RERE: variants seen among roughly 807,000 people sequenced by gnomAD.
RERE encodes arginine-glutamic acid dipeptide repeats, also known as arginine-glutamic acid dipeptide repeats protein.
Under a neutral mutation model 146.1 loss-of-function variants are expected in RERE, and 40 were observed. The ratio of observed to expected loss-of-function variants is 0.27; its 90% confidence interval spans 0.21 to 0.36. The LOEUF (loss-of-function observed/expected upper bound fraction) is 0.36. Among genes scored for constraint, RERE ranks in the 10% least tolerant of loss-of-function variants. RERE has a pLI of 1.00. For missense variants in RERE, 1,933 were observed against 2,138.7 expected (o/e 0.90, Z 1.90); for synonymous variants, 1,003 against 866.0 (o/e 1.16, Z -2.78).
chr1:8,529,965 C>T (rs1013508484), intron 7 of RERE, among the ~76,000 whole-genome samples: 5 of 152,172 alleles, frequency 3.3e-5, no homozygotes, highest in African/African-American at 1.2e-4. Flanking sequence ...CTTGTTTTCT[C>T]TCCTAGTTCT....
In RERE at chr1:8,632,311, G is replaced by A. The variant is rs888672039; in HGVS notation, c.326-7931C>T. Among the ~76,000 whole-genome samples, 13 of 152,168 alleles carry A rather than the reference G, an allele frequency of 8.5e-5. No individual in the cohort carries two copies. In the East Asian group the frequency reaches 1.5e-3, roughly 18 times the overall value. ...ATCTTCTGGTGTCACATCCTGCAGCGCAGATTTCAAGCAACACTGCTTGCT... is the reference window on the plus strand; with the variant it reads ...ATCTTCTGGTGTCACATCCTGCAGCACAGATTTCAAGCAACACTGCTTGCT... On this transcript the variant is annotated intron_variant, in intron 2 of 22. Coordinates refer to ENST00000400908, the MANE Select transcript of RERE (RefSeq NM_001042681.2).
In RERE at chr1:8,423,704, G is replaced by A; in HGVS notation, c.1204-897C>T. 1.0e-6 allele frequency: 1 copy of A among 981,502 alleles called. No homozygotes were observed. Among genetic ancestry groups the A allele is most frequent in the Non-Finnish European group, 1.2e-6 (1 of 828,614 alleles). The allele number at this position is 981,502 out of a possible 1,614,324, so 60.8% of individuals were successfully genotyped here. On this transcript the variant is annotated intron_variant, in intron 11 of 22. Transcript: ENST00000400908. The surrounding 1 kb of genome is among the most constrained non-coding windows in gnomAD (Gnocchi z 5.4). ...GGCGGAGGCGGCCGCGGGTGGCTCG[G>A]CGTGTGACCGCGGCGGGGCCGCGCG...
chr1:8,562,004 A>G (rs1330372306), intron 4 of RERE, among the ~76,000 whole-genome samples: 3 of 152,182 alleles, frequency 2.0e-5, no homozygotes, highest in African/African-American at 7.2e-5. Flanking sequence ...TCCAAGCCTC[A>G]ATGCTCTCAT....
chr1:8,800,977 G>A (rs1396470551), intron 1 of RERE, among the ~76,000 whole-genome samples: 1 of 151,008 alleles, frequency 6.6e-6, no homozygotes, highest in Admixed American at 6.6e-5. Context: ...AAAATTGTAA[G>A]GCCAGGCATG....
chr1:8,508,272 G>A (rs1016687733), intron 8 of RERE, among the ~76,000 whole-genome samples: 3 of 152,188 alleles, frequency 2.0e-5, no homozygotes, highest in Non-Finnish European at 4.4e-5. Context: ...AGGCAGAACA[G>A]TCAAAAACAG....
chr1:8,817,348 C>G lies in RERE; in HGVS notation c.-333G>C, dbSNP rs1320329712. On this transcript the variant is annotated 5_prime_UTR_variant, in exon 1 of 23. Coordinates refer to ENST00000400908, the MANE Select transcript of RERE (RefSeq NM_001042681.2). ...TTCCCTGCCGTGACCTTTCCTGCGACTTGAACCTAGGCTCCCTCCTCCTCG... is the reference window on the plus strand; with the variant it reads ...TTCCCTGCCGTGACCTTTCCTGCGAGTTGAACCTAGGCTCCCTCCTCCTCG... 1 of 152,070 alleles carries G rather than the reference C, an allele frequency of 6.6e-6. No homozygotes were observed. Among genetic ancestry groups the G allele is most frequent in the African/African-American group, 2.4e-5 (1 of 41,374 alleles). 9.4% of individuals were successfully genotyped at this position (152,070 alleles called of 1,614,324 possible).
chr1:8,778,101 C>T (rs2124556851), intron 1 of RERE, among the ~76,000 whole-genome samples: 1 of 152,280 alleles, frequency 6.6e-6, no homozygotes, highest in Non-Finnish European at 1.5e-5. Flanking sequence ...TTCTTACAGT[C>T]ACCACACTAA....
At chr1:8,608,031 T>A (rs901007295) in intron 4 of RERE, among the ~76,000 whole-genome samples, 1 of 149,992 alleles carries the variant, frequency 6.7e-6, no homozygotes, top group Non-Finnish European at 1.5e-5. Flanking sequence ...CAGCCTAACG[T>A]TTTTGTTTTT....
chr1:8,637,359 T>C (rs1395272545), intron 2 of RERE, among the ~76,000 whole-genome samples: 1 of 152,176 alleles, frequency 6.6e-6, no homozygotes, highest in Non-Finnish European at 1.5e-5. Context: ...TGGTGTCTGC[T>C]GGCACTACTC....
chr1:8,796,544 A>G (rs7524437), intron 1 of RERE: 35,709 of 150,838 alleles, frequency 0.24, 5,902 homozygotes, highest in East Asian at 0.77. Context: ...GTCAAGAGGG[A>G]AAAAGAGGAG....
chr1:8,415,686 A>G (rs745365704), intron 12 of RERE, among the ~76,000 whole-genome samples: 3 of 152,250 alleles, frequency 2.0e-5, no homozygotes, highest in Admixed American at 6.5e-5. Flanking sequence ...ACACAAGGGA[A>G]TATCAGCCAG....
rs1641929705 is a variant in RERE at position 8,817,181 on chromosome 1, A to C, written c.-166T>G. On this transcript the variant is annotated 5_prime_UTR_variant, in exon 1 of 23. The change abolishes an upstream ATG in the 5' untranslated region. Coordinates refer to ENST00000400908, the MANE Select transcript of RERE (RefSeq NM_001042681.2). Reference sequence around the variant, plus strand: ...TTACCTTCCCCTAAAGCGCTACACCATCAATAGTGAGGTGTTCGCGGCCCA... The same window carrying C: ...TTACCTTCCCCTAAAGCGCTACACCCTCAATAGTGAGGTGTTCGCGGCCCA... 6.6e-6 allele frequency: 1 copy of C among 152,060 alleles called. No homozygotes were observed. Among genetic ancestry groups the C allele is most frequent in the Non-Finnish European group, 1.5e-5 (1 of 67,988 alleles). 9.4% of individuals were successfully genotyped at this position (152,060 alleles called of 1,614,324 possible).
At chr1:8,536,112 A>G (rs1164337280) in intron 7 of RERE, among the ~76,000 whole-genome samples, 1 of 152,000 alleles carries the variant, frequency 6.6e-6, no homozygotes, top group Non-Finnish European at 1.5e-5. Flanking sequence ...CTCAAAAAAA[A>G]AAAAAAAAAT....
intron 4 of RERE, among the ~76,000 whole-genome samples, chr1:8,598,315 G>A (rs1214853478): frequency 1.3e-5 from 2 of 152,184 alleles, no homozygotes; most frequent in East Asian, 3.8e-4. Flanking sequence ...GGAACACACT[G>A]GAGAGAAGAG....
intron 1 of RERE, among the ~76,000 whole-genome samples, chr1:8,788,750 G>T (rs753098286): frequency 1.3e-5 from 2 of 150,802 alleles, no homozygotes; most frequent in Non-Finnish European, 2.9e-5. Flanking sequence ...TAACCATGTA[G>T]CATCTATGTG....
At chr1:8,443,859 A>G (rs1240440116) in intron 11 of RERE, among the ~76,000 whole-genome samples, 3 of 152,178 alleles carry the variant, frequency 2.0e-5, no homozygotes, top group Non-Finnish European at 4.4e-5. Flanking sequence ...TACAGAGTGC[A>G]AGAGTGATGG....
chr1:8,752,569 T>C (rs966300801), intron 1 of RERE, among the ~76,000 whole-genome samples: 7 of 152,190 alleles, frequency 4.6e-5, no homozygotes, highest in Non-Finnish European at 8.8e-5. Context: ...ATTTTAAAAG[T>C]AAGAACACTG....
rs1638249243 is a variant in RERE, at chr1:8,655,334, G to C, written c.325+639C>G. ...CAATTCTCCCGTCTCAGCCTCCCAA[G>C]TAGCTGGGATTAGAGGTGCACACCA... On this transcript the variant is annotated intron_variant, in intron 2 of 22. Coordinates refer to ENST00000400908, the MANE Select transcript of RERE (RefSeq NM_001042681.2). 2.6e-5 allele frequency among the ~76,000 whole-genome samples: 4 copies of C among 151,818 alleles called. No homozygotes were observed. The South Asian group carries it at 8.3e-4, about 32-fold the overall frequency.
At chr1:8,557,617 G>A (rs948057229) in intron 4 of RERE, 94 bp from the exon 5 acceptor site, 2 of 769,488 alleles carry the variant, frequency 2.6e-6, no homozygotes, top group Non-Finnish European at 4.6e-6. Flanking sequence ...TAAACGGGTG[G>A]ACACGTAGAT....
Sources: allele counts gnomAD v4.1 joint callset (sites outside exome capture counted in the v4.1 genomes callset), GRCh38; gene constraint gnomAD v4.1.1; non-coding constraint Gnocchi (gnomAD v3.1); transcripts MANE v1.5; gene names NCBI Gene and HGNC (gene_info 2026-07-23, HGNC 2026-07-21).